The following DENND2A variants were observed in gnomAD, a reference collection of about 807,000 sequenced individuals.
DENND2A encodes the protein DENN domain containing 2A.
A neutral mutation model predicts 105.3 loss-of-function variants in DENND2A; 53 were observed. That is an observed-to-expected ratio of 0.50 (90% CI 0.40 to 0.63). The LOEUF (loss-of-function observed/expected upper bound fraction) is 0.63, where lower values mean the gene tolerates loss of function less well. Ranked by LOEUF, DENND2A falls within the 30% of genes least tolerant of loss-of-function variation. The probability of loss-of-function intolerance (pLI) is 0.00; values close to 1 mark genes in which losing one functional copy is unlikely to be tolerated. For synonymous variants in DENND2A, 522 were observed against 508.4 expected, an observed-to-expected ratio of 1.03 and a Z score of -0.36; for missense variants, 1,138 against 1,279.6, an observed-to-expected ratio of 0.89 and a Z score of 1.69.
intron 1 of DENND2A, among the ~76,000 whole-genome samples, chr7:140,608,673 C>T (rs1799780108): frequency 7.2e-6 from 1 of 138,896 alleles, no homozygotes. Context: ...GAGACTCTGT[C>T]TTAAAAAAAA....
At chr7:140,636,484 G>A (rs1340546872) in intron 1 of DENND2A, among the ~76,000 whole-genome samples, 2 of 152,148 alleles carry the variant, frequency 1.3e-5, no homozygotes, top group African/African-American at 2.4e-5. Flanking sequence ...GAGGACCTGC[G>A]AGGCATCCCA....
intron 1 of DENND2A, among the ~76,000 whole-genome samples, chr7:140,622,925 C>T (rs984795439): frequency 3.3e-5 from 5 of 151,850 alleles, no homozygotes; most frequent in African/African-American, 1.2e-4. Context: ...GCTGAGTAAA[C>T]TTTGGCTGCT....
At chr7:140,600,413 A>T (rs1799441566) in intron 3 of DENND2A, among the ~76,000 whole-genome samples, 1 of 151,876 alleles carries the variant, frequency 6.6e-6, no homozygotes, top group Non-Finnish European at 1.5e-5. Context: ...TGAGGTGGGG[A>T]TAGGTTCGGG....
chr7:140,571,917 G>A (rs2130606803), intron 6 of DENND2A, among the ~76,000 whole-genome samples: 1 of 152,192 alleles, frequency 6.6e-6, no homozygotes, highest in South Asian at 2.1e-4. Flanking sequence ...TGCTGCCAAG[G>A]TGAGTCACTC....
chr7:140,552,533 C>G (rs912305156), intron 12 of DENND2A, among the ~76,000 whole-genome samples: 2 of 151,734 alleles, frequency 1.3e-5, no homozygotes, highest in Non-Finnish European at 2.9e-5. Context: ...GTAGCTGGAA[C>G]TACAGGTGCA....
chr7:140,588,428 T>A (rs1798875312), intron 3 of DENND2A, among the ~76,000 whole-genome samples: 3 of 152,136 alleles, frequency 2.0e-5, no homozygotes, highest in Admixed American at 1.3e-4. Context: ...ATTTTACAAA[T>A]CAGGACACGA....
intron 8 of DENND2A, among the ~76,000 whole-genome samples, chr7:140,567,589 G>A (rs1033370924): frequency 6.6e-6 from 1 of 152,192 alleles, no homozygotes; most frequent in Admixed American, 6.5e-5. Flanking sequence ...TGGTTTTGCT[G>A]TCTGGACTCT....
intron 8 of DENND2A, 71 bp from the exon 9 acceptor site, chr7:140,567,344 G>GAC (rs1797893144): frequency 2.7e-6 from 3 of 1,128,868 alleles, no homozygotes; most frequent in Admixed American, 2.6e-5. Context: ...GAGAGAGAGA[G>GAC]ACAGAGTGAG....
intron 13 of DENND2A, 41 bp from the exon 14 acceptor site, chr7:140,544,807 T>C: frequency 6.4e-7 from 1 of 1,551,822 alleles, no homozygotes; most frequent in Non-Finnish European, 8.7e-7. Flanking sequence ...GGGGCCCAGC[T>C]ACGCAGCCAG....
intron 5 of DENND2A, among the ~76,000 whole-genome samples, chr7:140,585,322 T>A (rs989209383): frequency 6.6e-6 from 1 of 152,250 alleles, no homozygotes; most frequent in Non-Finnish European, 1.5e-5. Flanking sequence ...AACAGTTGTA[T>A]GGGACGGATG....
chr7:140,603,591 A>C (rs1209241399), intron 2 of DENND2A, among the ~76,000 whole-genome samples: 3 of 152,248 alleles, frequency 2.0e-5, no homozygotes, highest in African/African-American at 7.2e-5. Context: ...GGCCTGTTGT[A>C]GCCAAGTCTG....
Position 140,527,096 on chromosome 7 carries a change from C to T in DENND2A, c.2505+222G>A, listed in dbSNP as rs1434236380. Among the ~76,000 whole-genome samples the T allele has an allele frequency of 6.6e-6, 1 of 152,148 alleles. No homozygotes were observed. The highest frequency in any genetic ancestry group is 1.5e-5 in the Non-Finnish European group (1 of 68,032). On this transcript the variant is annotated intron_variant, in intron 15 of 19. Transcript: ENST00000496613. The surrounding 1 kb of genome is among the most constrained non-coding windows in gnomAD (Gnocchi z 4.9). Reference sequence around the variant, plus strand: ...TGACCTTCTCAAGAGGTGCTCATACCAGGCATTTCATTTGGAAGGGAAAAC... The same window carrying T: ...TGACCTTCTCAAGAGGTGCTCATACTAGGCATTTCATTTGGAAGGGAAAAC...
Position 140,567,240 on chromosome 7 carries a change from C to G in DENND2A, c.1625G>C (p.Arg542Pro). Residue 542 changes from arginine (R) to proline (P), a missense_variant, in exon 9 of 20, where the codon CGG becomes CCG. This residue lies in a region of DENND2A where 627 missense variants were observed against 779.8 expected (regional missense o/e 0.80). Transcript: ENST00000496613. ...TGGGTACCGAGGCGCCTGCTTCAGCCGGGACTTCACGTTGACCAGGCGCTG... is the reference window on the plus strand; with the variant it reads ...TGGGTACCGAGGCGCCTGCTTCAGCGGGGACTTCACGTTGACCAGGCGCTG... The part of the protein sequence containing the change: ...HSQRLVNVKS[R>P]LKQAPRYPSL... 2 of 1,609,188 alleles carry G rather than the reference C, an allele frequency of 1.2e-6. No homozygotes were observed. The highest frequency in any genetic ancestry group is 1.7e-6 in the Non-Finnish European group (2 of 1,178,038).
At chr7:140,518,783 A>C in intron 19 of DENND2A, 45 bp from the exon 20 acceptor site, 2 of 1,601,318 alleles carry the variant, frequency 1.2e-6, no homozygotes, top group Non-Finnish European at 1.7e-6. Flanking sequence ...CAGACAAAGG[A>C]GGGTGAGATA....
chr7:140,640,050 G>A lies in DENND2A; in HGVS notation c.-248+454C>T, dbSNP rs1563195345. Among the ~76,000 whole-genome samples, 1 of 152,118 alleles carries A rather than the reference G, an allele frequency of 6.6e-6. No homozygotes were observed. Among genetic ancestry groups the A allele is most frequent in the Non-Finnish European group, 1.5e-5 (1 of 68,012 alleles). On this transcript the variant is annotated intron_variant, in intron 1 of 19. Transcript: ENST00000496613. This position sits in a 1 kb window ranked among gnomAD's most constrained non-coding sequence, Gnocchi z 4.9. ...GACTGCAAATGCTGACCGCTGTGAG[G>A]GGGGCCCGGCTGCTCAGCCGCCTCG...
intron 3 of DENND2A, 123 bp from the exon 4 acceptor site, chr7:140,587,903 T>C (rs1490467712): frequency 9.1e-7 from 1 of 1,102,164 alleles, no homozygotes. Flanking sequence ...GTTACCGAAA[T>C]CAACTTTTAT....
chr7:140,520,528 T>G (rs1477897972), intron 18 of DENND2A, among the ~76,000 whole-genome samples: 1 of 151,516 alleles, frequency 6.6e-6, no homozygotes, highest in Non-Finnish European at 1.5e-5. Context: ...TCTTCATTGC[T>G]GACTGATCTT....
At chr7:140,553,010 C>A (rs1250378084) in intron 12 of DENND2A, among the ~76,000 whole-genome samples, 1 of 151,930 alleles carries the variant, frequency 6.6e-6, no homozygotes, top group East Asian at 1.9e-4. Flanking sequence ...CCCTCCACAC[C>A]TGTTGGTGTT....
rs1159377487 is a variant in DENND2A at position 140,559,501 on chromosome 7, TG to T, written c.1889+206del. Among the ~76,000 whole-genome samples, 2 of 152,126 alleles carry T rather than the reference TG, an allele frequency of 1.3e-5. No individual in the cohort carries two copies. The highest frequency in any genetic ancestry group is 3.9e-4 in the East Asian group (2 of 5,190). ...GCTTCTGAAACAAGTATCCCCAGAT[TG>T]AGTGGGAAGCCCGGGAGGTCTGCAT... On this transcript the variant is annotated intron_variant, in intron 10 of 19. Coordinates refer to ENST00000496613, the MANE Select transcript of DENND2A (RefSeq NM_015689.5). The surrounding 1 kb of genome is among the most constrained non-coding windows in gnomAD (Gnocchi z 4.1).
Sources: allele counts gnomAD v4.1 joint callset (sites outside exome capture counted in the v4.1 genomes callset), GRCh38; gene constraint gnomAD v4.1.1; regional missense constraint gnomAD v4.1.1; non-coding constraint Gnocchi (gnomAD v3.1); transcripts MANE v1.5; gene names NCBI Gene and HGNC (gene_info 2026-07-23, HGNC 2026-07-21).